Variants in NRXN3 observed in about 807,000 individuals in gnomAD.
NRXN3 encodes neurexin 3.
A neutral mutation model predicts 137.6 loss-of-function variants in NRXN3; 32 were observed. The ratio of observed to expected loss-of-function variants is 0.23; its 90% CI spans 0.18 to 0.31. The LOEUF (loss-of-function observed/expected upper bound fraction) is 0.31, where lower values mean the gene tolerates loss of function less well. NRXN3 is among the 10% of genes least tolerant of loss of function. The pLI, the probability that NRXN3 is intolerant of heterozygous loss-of-function variation, is 1.00. For synonymous variants in NRXN3, 798 were observed against 784.5 expected (o/e 1.02, Z -0.29); for missense variants, 1,574 against 2,062.5 (o/e 0.76, Z 4.59).
At chr14:79,570,785 T>C (rs1320556264) in intron 16 of NRXN3, among the ~76,000 whole-genome samples, 3 of 152,218 alleles carry the variant, frequency 2.0e-5, no homozygotes, top group Admixed American at 2.0e-4. Context: ...AACAAGGTGC[T>C]AGCCAATTGG....
intron 8 of NRXN3, among the ~76,000 whole-genome samples, chr14:78,765,616 T>C (rs1442853458): frequency 6.6e-6 from 1 of 152,204 alleles, no homozygotes; most frequent in East Asian, 1.9e-4. Flanking sequence ...GTCACTGAGA[T>C]TGTGATACTA....
intron 4 of NRXN3, among the ~76,000 whole-genome samples, chr14:78,354,639 C>T (rs1204289325): frequency 6.6e-6 from 1 of 152,216 alleles, no homozygotes; most frequent in Non-Finnish European, 1.5e-5. Flanking sequence ...AGTTCTAGGA[C>T]TAGGTTTCCC....
At chr14:78,917,946 T>C (rs748707026) in intron 10 of NRXN3, among the ~76,000 whole-genome samples, 12 of 146,814 alleles carry the variant, frequency 8.2e-5, no homozygotes, top group Non-Finnish European at 1.0e-4. Flanking sequence ...TTTCTAGATA[T>C]GTGATTTTGC....
At chr14:79,741,434 T>G (rs900707222) in intron 19 of NRXN3, among the ~76,000 whole-genome samples, 2 of 149,892 alleles carry the variant, frequency 1.3e-5, no homozygotes, top group Non-Finnish European at 3.0e-5. Context: ...ATTTGTCCTG[T>G]CATTGTAAGT....
intron 2 of NRXN3, among the ~76,000 whole-genome samples, chr14:78,248,857 A>C (rs968039895): frequency 3.9e-5 from 6 of 152,118 alleles, no homozygotes; most frequent in Non-Finnish European, 8.8e-5. Flanking sequence ...TGCTTCTGAG[A>C]CTTGATTCCC....
chr14:78,402,865 C>T (rs2092203907), intron 4 of NRXN3, among the ~76,000 whole-genome samples: 1 of 152,252 alleles, frequency 6.6e-6, no homozygotes, highest in Admixed American at 6.5e-5. Context: ...TAATAAAGAT[C>T]AGCTGCTTCT....
chr14:79,738,315 CCACACACACACACACACA>C (rs10539564), intron 19 of NRXN3, among the ~76,000 whole-genome samples: 3 of 137,968 alleles, frequency 2.2e-5, no homozygotes, highest in Non-Finnish European at 4.6e-5. Flanking sequence ...ATTTCCCCCG[CCACACACACACACACACA>C]CACACACACA....
chr14:79,132,364 T>C (rs2057654171), intron 15 of NRXN3, among the ~76,000 whole-genome samples: 1 of 152,252 alleles, frequency 6.6e-6, no homozygotes, highest in Admixed American at 6.5e-5. Flanking sequence ...AGAATTGAGA[T>C]GTGCTGTAAG....
chr14:79,490,863 T>C (rs1181240402), intron 16 of NRXN3, among the ~76,000 whole-genome samples: 1 of 152,194 alleles, frequency 6.6e-6, no homozygotes, highest in Admixed American at 6.5e-5. Flanking sequence ...GGATGGATAC[T>C]GCATTCTTCA....
At chr14:78,768,945 T>C (rs1428623473) in intron 8 of NRXN3, among the ~76,000 whole-genome samples, 1 of 152,188 alleles carries the variant, frequency 6.6e-6, no homozygotes, top group Non-Finnish European at 1.5e-5. Flanking sequence ...GCATGATTAA[T>C]TAAATCATTG....
chr14:79,158,738 G>A (rs1217519670), intron 15 of NRXN3, among the ~76,000 whole-genome samples: 1 of 151,794 alleles, frequency 6.6e-6, no homozygotes, highest in African/African-American at 2.4e-5. Flanking sequence ...AGACATTTTT[G>A]TAAGCTATGA....
At chr14:78,765,229 C>T (rs1276908450) in intron 8 of NRXN3, among the ~76,000 whole-genome samples, 1 of 152,154 alleles carries the variant, frequency 6.6e-6, no homozygotes, top group Non-Finnish European at 1.5e-5. Context: ...TCTTGGCTCA[C>T]TGCAACCTCC....
At chr14:78,839,190 G>A (rs1258197399) in intron 10 of NRXN3, among the ~76,000 whole-genome samples, 2 of 152,160 alleles carry the variant, frequency 1.3e-5, no homozygotes, top group Admixed American at 6.5e-5. Flanking sequence ...TTCTGGGATG[G>A]CCATGGAGCA....
chr14:79,038,385 T>A (rs1412939749), intron 15 of NRXN3, among the ~76,000 whole-genome samples: 1 of 152,124 alleles, frequency 6.6e-6, no homozygotes, highest in African/African-American at 2.4e-5. Flanking sequence ...GGGGTTGTTT[T>A]AGGCCACTAA....
At chr14:79,705,540 A>C (rs2098774327) in intron 19 of NRXN3, among the ~76,000 whole-genome samples, 2 of 152,144 alleles carry the variant, frequency 1.3e-5, no homozygotes, top group African/African-American at 4.8e-5. Context: ...CAGCAAATGA[A>C]AACAAAGTTT....
At chr14:79,025,888 T>C (rs977946049) in intron 15 of NRXN3, among the ~76,000 whole-genome samples, 1 of 152,114 alleles carries the variant, frequency 6.6e-6, no homozygotes, top group Non-Finnish European at 1.5e-5. Flanking sequence ...CTCTTCTATC[T>C]TTCTGTTTCA....
At chr14:79,434,507 A>G (rs1490075887) in intron 15 of NRXN3, among the ~76,000 whole-genome samples, 1 of 152,246 alleles carries the variant, frequency 6.6e-6, no homozygotes, top group Non-Finnish European at 1.5e-5. Flanking sequence ...CGGAAATGCT[A>G]TTAGGCATTC....
chr14:79,203,695 CAACTT>C (rs2066393924), intron 15 of NRXN3, among the ~76,000 whole-genome samples: 1 of 152,144 alleles, frequency 6.6e-6, no homozygotes, highest in Non-Finnish European at 1.5e-5. Context: ...CAATAATAGA[CAACTT>C]AATTTCTGAG....
At chr14:79,437,640 C>T (rs916835262) in intron 15 of NRXN3, among the ~76,000 whole-genome samples, 1 of 152,300 alleles carries the variant, frequency 6.6e-6, no homozygotes, top group Non-Finnish European at 1.5e-5. Context: ...CTGAACATGG[C>T]ATGGCTGCCG....
Sources: allele counts gnomAD v4.1 joint callset (sites outside exome capture counted in the v4.1 genomes callset), GRCh38; gene constraint gnomAD v4.1.1; transcripts MANE v1.5; gene names NCBI Gene and HGNC (gene_info 2026-07-23, HGNC 2026-07-21).